Variants in RSPO3 observed in about 807,000 individuals in gnomAD.
RSPO3 encodes R-spondin 3.
In RSPO3, 17 loss-of-function variants were observed where a neutral mutation model predicts 36.5. The ratio of observed to expected loss-of-function variants is 0.47; its 90% CI spans 0.32 to 0.70. RSPO3 has a LOEUF of 0.70. Ranked by LOEUF, RSPO3 falls within the 30% of genes least tolerant of loss-of-function variation. RSPO3 has a pLI of 0.04. For synonymous variants in RSPO3, 108 were observed against 107.0 expected, an observed-to-expected ratio of 1.01 and a Z score of -0.06; for missense variants, 294 against 322.5, an observed-to-expected ratio of 0.91 and a Z score of 0.68.
chr6:127,163,994 G>A (rs566514407), intron 4 of RSPO3, among the ~76,000 whole-genome samples: 5 of 151,982 alleles, frequency 3.3e-5, no homozygotes, highest in African/African-American at 9.6e-5. Context: ...ATTGTTTGTC[G>A]GCCTTATTCT....
At chr6:127,146,876 T>G (rs1774394624) in intron 1 of RSPO3, among the ~76,000 whole-genome samples, 1 of 152,164 alleles carries the variant, frequency 6.6e-6, no homozygotes, top group Non-Finnish European at 1.5e-5. Context: ...CCCCTTTTAC[T>G]TTTTAGGATC....
At chr6:127,150,888 ATTT>A (rs1774478850) in intron 3 of RSPO3, among the ~76,000 whole-genome samples, 1 of 151,604 alleles carries the variant, frequency 6.6e-6, no homozygotes, top group Non-Finnish European at 1.5e-5. Context: ...AATGAATTTT[ATTT>A]AAGTAAACAT....
intron 1 of RSPO3, among the ~76,000 whole-genome samples, chr6:127,139,777 C>T (rs112665941): frequency 6.7e-4 from 102 of 152,134 alleles, no homozygotes; most frequent in African/African-American, 2.4e-3. Context: ...CTCATCCACC[C>T]CCTCTTGTCC....
chr6:127,186,386 G>A (rs968993206), intron 4 of RSPO3, among the ~76,000 whole-genome samples: 1 of 152,130 alleles, frequency 6.6e-6, no homozygotes, highest in Non-Finnish European at 1.5e-5. Flanking sequence ...TCAGTCATGA[G>A]AGGAATATGT....
At chr6:127,168,253 C>T (rs1307807328) in intron 4 of RSPO3, among the ~76,000 whole-genome samples, 1 of 152,144 alleles carries the variant, frequency 6.6e-6, no homozygotes, top group Non-Finnish European at 1.5e-5. Context: ...TCCACATCCT[C>T]TCCAGCACCT....
intron 1 of RSPO3, among the ~76,000 whole-genome samples, chr6:127,144,984 A>G (rs1224240499): frequency 6.6e-6 from 1 of 152,112 alleles, no homozygotes; most frequent in Non-Finnish European, 1.5e-5. Context: ...GTGCATCTCC[A>G]ACAGCCACTC....
chr6:127,170,266 C>T (rs1017462672), intron 4 of RSPO3, among the ~76,000 whole-genome samples: 1 of 151,860 alleles, frequency 6.6e-6, no homozygotes, highest in Non-Finnish European at 1.5e-5. Context: ...ACAGAACCCT[C>T]TGCTCTGTTG....
chr6:127,130,339 T>G (rs1277520858), intron 1 of RSPO3, among the ~76,000 whole-genome samples: 1 of 152,152 alleles, frequency 6.6e-6, no homozygotes, highest in African/African-American at 2.4e-5. Flanking sequence ...TCCTTTATGG[T>G]TCAGAATGAC....
intron 4 of RSPO3, among the ~76,000 whole-genome samples, chr6:127,161,611 A>G (rs1774712707): frequency 6.6e-6 from 1 of 152,146 alleles, no homozygotes; most frequent in Non-Finnish European, 1.5e-5. Context: ...CTTCATTCCT[A>G]TGATAGTATA....
chr6:127,161,609 C>T (rs1774712663), intron 4 of RSPO3, among the ~76,000 whole-genome samples: 1 of 152,102 alleles, frequency 6.6e-6, no homozygotes, highest in African/African-American at 2.4e-5. Flanking sequence ...CCCTTCATTC[C>T]TATGATAGTA....
chr6:127,145,299 G>T (rs1365675416), intron 1 of RSPO3, among the ~76,000 whole-genome samples: 1 of 151,808 alleles, frequency 6.6e-6, no homozygotes, highest in African/African-American at 2.4e-5. Context: ...ACATTATATT[G>T]CCTCTGCCGT....
intron 1 of RSPO3, 67 bp downstream of exon 1, chr6:127,119,356 G>A: frequency 1.7e-6 from 2 of 1,173,758 alleles, no homozygotes; most frequent in Non-Finnish European, 2.5e-6. Context: ...CGCTTTGCCT[G>A]TCCGGAGCCG....
intron 4 of RSPO3, among the ~76,000 whole-genome samples, chr6:127,161,688 T>C (rs986480855): frequency 6.6e-6 from 1 of 152,206 alleles, no homozygotes; most frequent in African/African-American, 2.4e-5. Flanking sequence ...AAATAAACTT[T>C]GTAATAAATG....
At chr6:127,120,828 G>A (rs1412777390) in intron 1 of RSPO3, among the ~76,000 whole-genome samples, 1 of 152,242 alleles carries the variant, frequency 6.6e-6, no homozygotes, top group Admixed American at 6.5e-5. Context: ...CAGGGCATCC[G>A]ATTTATTATT....
chr6:127,119,187 G>A lies in RSPO3; in HGVS notation c.-6G>A, dbSNP rs1213482069. 2 of 1,599,538 alleles carry A rather than the reference G, an allele frequency of 1.3e-6. No homozygotes were observed. Among genetic ancestry groups the A allele is most frequent in the African/African-American group, 2.7e-5 (2 of 74,602 alleles). On this transcript the variant is annotated 5_prime_UTR_variant, in exon 1 of 5. Coordinates refer to ENST00000356698, the MANE Select transcript of RSPO3 (RefSeq NM_032784.5). ...GAGAAAGGAAGGGAAGCATTACTGG[G>A]TTACTATGCACTTGCGACTGATTTC...
At chr6:127,183,024 T>C (rs1278004301) in intron 4 of RSPO3, among the ~76,000 whole-genome samples, 1 of 152,016 alleles carries the variant, frequency 6.6e-6, no homozygotes. Flanking sequence ...ATTTCTCTTG[T>C]TATTTGTTCC....
intron 1 of RSPO3, among the ~76,000 whole-genome samples, chr6:127,144,587 G>A (rs1240136873): frequency 6.8e-6 from 1 of 146,538 alleles, no homozygotes; most frequent in Non-Finnish European, 1.5e-5. Context: ...CTTACCAAAT[G>A]TCCCCTATTT....
At chr6:127,177,944 G>T (rs1016627253) in intron 4 of RSPO3, among the ~76,000 whole-genome samples, 1 of 151,518 alleles carries the variant, frequency 6.6e-6, no homozygotes, top group African/African-American at 2.4e-5. Flanking sequence ...TGTCACGTTA[G>T]TATTAGTCTC....
intron 2 of RSPO3, 135 bp downstream of exon 2, chr6:127,148,974 C>T (rs1055693067): frequency 6.8e-6 from 5 of 735,150 alleles, no homozygotes; most frequent in African/African-American, 1.8e-5. Context: ...CTAAACCATA[C>T]TTGGACTTAA....
Sources: allele counts gnomAD v4.1 joint callset (sites outside exome capture counted in the v4.1 genomes callset), GRCh38; gene constraint gnomAD v4.1.1; transcripts MANE v1.5; gene names NCBI Gene and HGNC (gene_info 2026-07-23, HGNC 2026-07-21).